FGF12: variants seen among roughly 807,000 people sequenced by gnomAD.
The protein encoded by FGF12 is fibroblast growth factor 12B.
FGF12 carries 14 observed loss-of-function variants against 23.6 expected under a neutral mutation model. The observed-to-expected ratio is 0.59, with a 90% CI of 0.39 to 0.93. The LOEUF is 0.93. Ranked by LOEUF, FGF12 falls within the 40% of genes least tolerant of loss-of-function variation. FGF12 has a pLI of 0.00. For missense variants in FGF12, 175 were observed against 217.8 expected (o/e 0.80, Z 1.24); for synonymous variants, 62 against 77.3 (o/e 0.80, Z 1.04).
In FGF12 at chr3:192,437,063, T is replaced by C. The variant is rs1722048443; in HGVS notation, c.14-76525A>G. On this transcript the variant is annotated intron_variant, in intron 2 of 5. Coordinates refer to ENST00000445105, the MANE Select transcript of FGF12 (RefSeq NM_004113.6). ...GTCTGAATTGCATCTTATGAATGAATAGTGTATAATTCCTTAAAAGGTCTT... is the reference window on the plus strand; with the variant it reads ...GTCTGAATTGCATCTTATGAATGAACAGTGTATAATTCCTTAAAAGGTCTT... Among the ~76,000 whole-genome samples the C allele has an allele frequency of 2.0e-5, 3 of 152,268 alleles. No individual in the cohort carries two copies. In the South Asian group the frequency reaches 6.2e-4, roughly 32 times the overall value.
chr3:192,685,683 G>A (rs181692542), intron 2 of FGF12, among the ~76,000 whole-genome samples: 41 of 152,198 alleles, frequency 2.7e-4, no homozygotes, highest in Admixed American at 2.2e-3. Context: ...CAGGAAAACC[G>A]GAAGGATGGA....
intron 5 of FGF12, among the ~76,000 whole-genome samples, chr3:192,161,537 TCAC>T (rs1025647502): frequency 1.6e-5 from 2 of 123,750 alleles, no homozygotes; most frequent in South Asian, 3.0e-4. Flanking sequence ...CACACACACA[TCAC>T]ATCACATTTG....
intron 2 of FGF12, among the ~76,000 whole-genome samples, chr3:192,500,445 C>A (rs6775680): frequency 0.76 from 115,438 of 151,710 alleles, 44,562 homozygotes; most frequent in East Asian, 0.83. Flanking sequence ...CATCCCCCCA[C>A]CCGCCACACA....
chr3:192,374,976 A>G (rs1235674433), intron 2 of FGF12, among the ~76,000 whole-genome samples: 1 of 152,202 alleles, frequency 6.6e-6, no homozygotes, highest in Non-Finnish European at 1.5e-5. Flanking sequence ...CGAGATGCAG[A>G]CATATTTCTG....
chr3:192,513,918 T>C (rs1444118196), intron 2 of FGF12, among the ~76,000 whole-genome samples: 3 of 152,180 alleles, frequency 2.0e-5, no homozygotes, highest in Non-Finnish European at 4.4e-5. Flanking sequence ...AGATAGACAA[T>C]GGAGGAAACG....
intron 4 of FGF12, chr3:192,268,739 C>T (rs1401528460): frequency 2.2e-6 from 1 of 444,602 alleles, no homozygotes; most frequent in Non-Finnish European, 4.5e-6. Context: ...TCCTGTAAAA[C>T]CTGCAGAACT....
At chr3:192,491,904 AT>A (rs1188372326) in intron 2 of FGF12, among the ~76,000 whole-genome samples, 1 of 152,172 alleles carries the variant, frequency 6.6e-6, no homozygotes, top group African/African-American at 2.4e-5. Context: ...CTCAGATAGG[AT>A]CAAGGTATTG....
intron 5 of FGF12, among the ~76,000 whole-genome samples, chr3:192,167,839 G>A (rs1215336340): frequency 2.2e-5 from 3 of 137,086 alleles, no homozygotes; most frequent in African/African-American, 5.5e-5. Flanking sequence ...GCAGTGGCGT[G>A]ATCTCAGCTC....
chr3:192,573,800 A>C (rs1243649967), intron 2 of FGF12, among the ~76,000 whole-genome samples: 22 of 152,240 alleles, frequency 1.4e-4, no homozygotes, highest in Admixed American at 1.4e-3. Context: ...AAGCGGTCTG[A>C]GTTTTAAAAT....
chr3:192,503,637 ACT>A lies in FGF12; in HGVS notation c.14-143101_14-143100del, dbSNP rs1168896478. Among the ~76,000 whole-genome samples, 4 of 118,940 alleles carry A rather than the reference ACT, an allele frequency of 3.4e-5. No homozygotes were observed. The Admixed American group carries it at 4.7e-4, about 14-fold the overall frequency. The allele number at this position is 118,940 out of a possible 152,430, so 78.0% of individuals were successfully genotyped here. A position where few individuals can be genotyped will look rare whatever the true frequency, so the allele number is the denominator to read the frequency against. On this transcript the variant is annotated intron_variant, in intron 2 of 5. Coordinates refer to ENST00000445105, the MANE Select transcript of FGF12 (RefSeq NM_004113.6). ...TTTTTTTTTTGAGATGGAGTCTCTC[ACT>A]CTGTCACCCAGGCTGGAGTGCAATG... is the stretch of plus-strand genomic sequence containing the variant.
intron 4 of FGF12, among the ~76,000 whole-genome samples, chr3:192,260,841 A>G (rs973645422): frequency 2.6e-5 from 4 of 152,188 alleles, no homozygotes; most frequent in African/African-American, 7.2e-5. Context: ...CCAGAGAAAT[A>G]TATACAGAGA....
chr3:192,621,141 C>T lies in FGF12; in HGVS notation c.13+106040G>A, dbSNP rs375201022. On this transcript the variant is annotated intron_variant, in intron 2 of 5. Transcript: ENST00000445105. ...AACCATTGTTTTTGTTTTCACCCACCCCCAAAATGATATGTGCGCTTTTCC... is the reference window on the plus strand; with the variant it reads ...AACCATTGTTTTTGTTTTCACCCACTCCCAAAATGATATGTGCGCTTTTCC... Among the ~76,000 whole-genome samples, 23 of 152,204 alleles carry T rather than the reference C, an allele frequency of 1.5e-4. No individual in the cohort carries two copies. In the East Asian group the frequency reaches 1.6e-3, roughly 10 times the overall value.
intron 5 of FGF12, among the ~76,000 whole-genome samples, chr3:192,163,554 A>G (rs914992878): frequency 6.6e-6 from 1 of 152,092 alleles, no homozygotes; most frequent in African/African-American, 2.4e-5. Flanking sequence ...CAAATTCAGA[A>G]CACTGCATCT....
intron 2 of FGF12, among the ~76,000 whole-genome samples, chr3:192,614,165 T>C (rs1488712917): frequency 1.3e-5 from 2 of 151,958 alleles, no homozygotes; most frequent in African/African-American, 2.4e-5. Flanking sequence ...ATTTTATTTC[T>C]AAATTTTTAT....
At chr3:192,218,052 G>A (rs1278564445) in intron 4 of FGF12, among the ~76,000 whole-genome samples, 2 of 151,992 alleles carry the variant, frequency 1.3e-5, no homozygotes, top group Non-Finnish European at 2.9e-5. Flanking sequence ...GGTCAGGCTG[G>A]CCTCGAACTC....
intron 4 of FGF12, among the ~76,000 whole-genome samples, chr3:192,180,053 T>G (rs1467048833): frequency 6.6e-6 from 1 of 152,156 alleles, no homozygotes; most frequent in African/African-American, 2.4e-5. Context: ...TGTGAGAGGT[T>G]AATTAAGATT....
chr3:192,183,830 A>G (rs934094363), intron 4 of FGF12, among the ~76,000 whole-genome samples: 1 of 152,224 alleles, frequency 6.6e-6, no homozygotes, highest in Middle Eastern at 3.2e-3. Context: ...TAAGGATTAG[A>G]ACCTGCTCTC....
chr3:192,229,058 G>A (rs1301070787), intron 4 of FGF12, among the ~76,000 whole-genome samples: 1 of 151,934 alleles, frequency 6.6e-6, no homozygotes, highest in African/African-American at 2.4e-5. Context: ...CTCACCTCAT[G>A]ATTGGAGCTC....
intron 3 of FGF12, among the ~76,000 whole-genome samples, chr3:192,339,033 G>A (rs566600802): frequency 6.6e-6 from 1 of 152,006 alleles, no homozygotes; most frequent in African/African-American, 2.4e-5. Context: ...TGCTAGGCAG[G>A]GACAAAAACA....
Sources: allele counts gnomAD v4.1 joint callset (sites outside exome capture counted in the v4.1 genomes callset), GRCh38; gene constraint gnomAD v4.1.1; transcripts MANE v1.5; gene names NCBI Gene and HGNC (gene_info 2026-07-23, HGNC 2026-07-21).